The following GRAP2 variants were observed in gnomAD, a reference collection of about 807,000 sequenced individuals.
GRAP2 encodes the protein GRB2-related adapter protein 2.
Under a neutral mutation model 43.5 loss-of-function variants are expected in GRAP2, and 31 were observed. The ratio of observed to expected loss-of-function variants is 0.71; its 90% confidence interval spans 0.54 to 0.96. The LOEUF (loss-of-function observed/expected upper bound fraction) is 0.96. GRAP2 is among the 40% of genes least tolerant of loss of function. GRAP2 has a pLI of 0.00. For missense variants in GRAP2, 371 were observed against 424.4 expected (o/e 0.87, Z 1.11); for synonymous variants, 156 against 164.8 (o/e 0.95, Z 0.41).
intron 1 of GRAP2, among the ~76,000 whole-genome samples, chr22:39,902,746 C>T (rs967324479): frequency 6.6e-6 from 1 of 152,138 alleles, no homozygotes; most frequent in Admixed American, 6.5e-5. Flanking sequence ...TGAATATCTC[C>T]CACATCTTAG....
chr22:39,925,838 C>A (rs1569197862), intron 1 of GRAP2, among the ~76,000 whole-genome samples: 1 of 152,234 alleles, frequency 6.6e-6, no homozygotes, highest in Admixed American at 6.5e-5. Context: ...TTTTCCACAA[C>A]ACCCTATCAG....
At chr22:39,913,191 T>TAA (rs1327019950) in intron 1 of GRAP2, among the ~76,000 whole-genome samples, 1 of 99,096 alleles carries the variant, frequency 1.0e-5, no homozygotes, top group South Asian at 4.2e-4. Context: ...AGACTCCATC[T>TAA]CAAAAAAAAA....
At chr22:39,970,218 C>G (rs1291233273) in intron 7 of GRAP2, among the ~76,000 whole-genome samples, 1 of 152,124 alleles carries the variant, frequency 6.6e-6, no homozygotes, top group Non-Finnish European at 1.5e-5. Flanking sequence ...TAGGCTCAAG[C>G]GATCCTCCTG....
intron 1 of GRAP2, among the ~76,000 whole-genome samples, chr22:39,938,337 T>TA (rs1364778023): frequency 6.6e-6 from 1 of 152,220 alleles, no homozygotes; most frequent in Non-Finnish European, 1.5e-5. Context: ...ATAAGGGATT[T>TA]AAAAGGACTC....
chr22:39,955,227 G>A (rs574659674), intron 2 of GRAP2, among the ~76,000 whole-genome samples: 1 of 151,982 alleles, frequency 6.6e-6, no homozygotes, highest in African/African-American at 2.4e-5. Context: ...GTGTAGTGGC[G>A]CATGCCTGTA....
chr22:39,934,581 AAGTC>A (rs934935235), intron 1 of GRAP2, among the ~76,000 whole-genome samples: 12 of 152,234 alleles, frequency 7.9e-5, no homozygotes, highest in Non-Finnish European at 7.3e-5. Context: ...AACACAGTGA[AAGTC>A]AGAAAGGTTA....
At chr22:39,955,138 C>T (rs2067032839) in intron 2 of GRAP2, among the ~76,000 whole-genome samples, 1 of 152,162 alleles carries the variant, frequency 6.6e-6, no homozygotes, top group Non-Finnish European at 1.5e-5. Flanking sequence ...GCAGGTGGAT[C>T]ACTAGGTCAA....
rs571097099 is a variant in GRAP2 at position 39,947,427 on chromosome 22, CA to C, written c.78+246del. 4.2e-4 allele frequency: 214 copies of C among 507,234 alleles called. 3 individuals carry two copies. The South Asian group carries it at 4.3e-3, about 10-fold the overall frequency. 31.4% of individuals were successfully genotyped at this position (507,234 alleles called of 1,614,324 possible). A position where few individuals can be genotyped will look rare whatever the true frequency, so the allele number is the denominator to read the frequency against. ...GTCTGGAGAGGGGAACACATCCACC[CA>C]AAGGGCTGTTACAGATGTTCTTGGC... On this transcript the variant is annotated intron_variant, in intron 2 of 7. Coordinates refer to ENST00000344138, the MANE Select transcript of GRAP2 (RefSeq NM_004810.4).
chr22:39,968,009 A>T, intron 5 of GRAP2, 33 bp from the exon 6 acceptor site: 2 of 1,597,840 alleles, frequency 1.3e-6, no homozygotes, highest in Non-Finnish European at 1.7e-6. Context: ...AGAGAGGAGG[A>T]TGCATCTGCA....
chr22:39,950,019 G>A (rs1048108612), intron 2 of GRAP2, among the ~76,000 whole-genome samples: 3 of 152,150 alleles, frequency 2.0e-5, no homozygotes, highest in Admixed American at 6.5e-5. Flanking sequence ...CCACTGTCCA[G>A]TGTCATTATG....
At chr22:39,923,056 A>AT (rs397832040) in intron 1 of GRAP2, among the ~76,000 whole-genome samples, 5 of 151,458 alleles carry the variant, frequency 3.3e-5, no homozygotes, top group African/African-American at 1.2e-4. Flanking sequence ...AAAAAAAAAA[A>AT]TTCAGGTATA....
intron 1 of GRAP2, among the ~76,000 whole-genome samples, chr22:39,937,899 TA>T (rs1372902615): frequency 2.0e-5 from 3 of 152,012 alleles, no homozygotes; most frequent in Admixed American, 6.6e-5. Flanking sequence ...TAACAGAACA[TA>T]TACATTATAC....
At chr22:39,916,589 CTTCCTAAAGGTT>C (rs2066604417) in intron 1 of GRAP2, among the ~76,000 whole-genome samples, 1 of 152,200 alleles carries the variant, frequency 6.6e-6, no homozygotes, top group African/African-American at 2.4e-5. Context: ...ACTTGATTTT[CTTCCTAAAGGTT>C]TTCCTATAGT....
intron 1 of GRAP2, among the ~76,000 whole-genome samples, chr22:39,942,286 TCTC>T (rs1301790718): frequency 6.6e-6 from 1 of 152,152 alleles, no homozygotes; most frequent in African/African-American, 2.4e-5. Flanking sequence ...GAGGCGGCAC[TCTC>T]CTCTACTGTC....
chr22:39,961,648 T>C (rs2067121050), intron 4 of GRAP2, among the ~76,000 whole-genome samples: 1 of 152,216 alleles, frequency 6.6e-6, no homozygotes, highest in Non-Finnish European at 1.5e-5. Flanking sequence ...ACACTGTGTG[T>C]GGTCAGCATG....
At chr22:39,961,270 C>T (rs2067116961) in intron 4 of GRAP2, among the ~76,000 whole-genome samples, 1 of 152,126 alleles carries the variant, frequency 6.6e-6, no homozygotes, top group Non-Finnish European at 1.5e-5. Flanking sequence ...ATTCTAATTT[C>T]TATGACTCAC....
intron 1 of GRAP2, among the ~76,000 whole-genome samples, chr22:39,903,770 C>T (rs2066506983): frequency 6.6e-6 from 1 of 152,118 alleles, no homozygotes; most frequent in Non-Finnish European, 1.5e-5. Flanking sequence ...AACCACTACA[C>T]CTGGCCTGCC....
At chr22:39,901,816 C>A (rs2066494900) in intron 1 of GRAP2, among the ~76,000 whole-genome samples, 1 of 152,182 alleles carries the variant, frequency 6.6e-6, no homozygotes, top group African/African-American at 2.4e-5. Context: ...AGTTTTCATT[C>A]CTTTACGAAA....
chr22:39,912,534 G>T (rs1024965449), intron 1 of GRAP2, among the ~76,000 whole-genome samples: 1 of 152,200 alleles, frequency 6.6e-6, no homozygotes, highest in Non-Finnish European at 1.5e-5. Context: ...AGTTTGCAGG[G>T]AGAGGTCCTA....
Sources: gnomAD v4.1 joint callset for allele counts (sites outside exome capture counted in the v4.1 genomes callset) on GRCh38, gnomAD v4.1.1 for gene constraint, MANE v1.5 for transcripts, NCBI Gene and HGNC (gene_info 2026-07-23, HGNC 2026-07-21) for gene names.